The following GRID2 variants were observed in gnomAD, a reference collection of about 807,000 sequenced individuals.
The protein encoded by GRID2 is glutamate receptor ionotropic, delta-2.
GRID2 carries 33 observed loss-of-function variants against 114.8 expected under a neutral mutation model. The observed-to-expected ratio is 0.29, with a 90% CI of 0.22 to 0.38. The LOEUF (loss-of-function observed/expected upper bound fraction) is 0.38, where lower values mean the gene tolerates loss of function less well. Ranked by LOEUF, GRID2 falls within the 10% of genes least tolerant of loss-of-function variation. The probability of loss-of-function intolerance (pLI) is 1.00; values close to 1 mark genes in which losing one functional copy is unlikely to be tolerated. For synonymous variants in GRID2, 505 were observed against 449.9 expected, an observed-to-expected ratio of 1.12 and a Z score of -1.55; for missense variants, 1,184 against 1,257.7, an observed-to-expected ratio of 0.94 and a Z score of 0.89.
intron 2 of GRID2, among the ~76,000 whole-genome samples, chr4:92,908,623 A>G (rs967500644): frequency 6.6e-6 from 1 of 151,930 alleles, no homozygotes; most frequent in Non-Finnish European, 1.5e-5. Flanking sequence ...AAGTACTAAC[A>G]GGTAGCACAC....
At chr4:92,875,152 T>TG (rs2149450200) in intron 2 of GRID2, among the ~76,000 whole-genome samples, 1 of 138,982 alleles carries the variant, frequency 7.2e-6, no homozygotes, top group African/African-American at 2.7e-5. Context: ...TCAAAAGGTT[T>TG]TTTTTTTTTT....
At chr4:92,348,043 A>T (rs1345978056) in intron 1 of GRID2, among the ~76,000 whole-genome samples, 2 of 152,144 alleles carry the variant, frequency 1.3e-5, no homozygotes, top group Non-Finnish European at 2.9e-5. Context: ...GCAACCTCTA[A>T]TTCTTGGGCT....
intron 2 of GRID2, among the ~76,000 whole-genome samples, chr4:92,672,967 C>G (rs1733150434): frequency 6.6e-6 from 1 of 152,142 alleles, no homozygotes; most frequent in Non-Finnish European, 1.5e-5. Flanking sequence ...CTTTATCCCC[C>G]AATTCCCCTT....
intron 12 of GRID2, among the ~76,000 whole-genome samples, chr4:93,512,806 C>T (rs1434410900): frequency 1.3e-5 from 2 of 152,144 alleles, no homozygotes; most frequent in African/African-American, 4.8e-5. Flanking sequence ...TATTAAAACT[C>T]TATATTTTCA....
At position 92,999,387 on chromosome 4, in the gene GRID2, A is replaced by T. The variant is rs1399952055; in HGVS notation, c.245-85608A>T. 3.3e-5 allele frequency among the ~76,000 whole-genome samples: 5 copies of T among 151,822 alleles called. No individual in the cohort carries two copies. In the East Asian group the frequency reaches 9.7e-4, roughly 29 times the overall value. On this transcript the variant is annotated intron_variant, in intron 2 of 15. Transcript: ENST00000282020. ...CTGCTTTTAACAGATTTTTAACAGG[A>T]TACTCACCTTCTGGGAAACCTGTTA... is the stretch of plus-strand genomic sequence containing the variant.
intron 2 of GRID2, among the ~76,000 whole-genome samples, chr4:92,956,710 G>A (rs1752435876): frequency 6.6e-6 from 1 of 152,140 alleles, no homozygotes; most frequent in South Asian, 2.1e-4. Context: ...GTACGAGTAT[G>A]TTTCATTTTC....
chr4:93,741,159 C>CTATATATATATA (rs879839195), intron 14 of GRID2, among the ~76,000 whole-genome samples: 7 of 47,172 alleles, frequency 1.5e-4, no homozygotes, highest in African/African-American at 3.9e-4. Flanking sequence ...ACCTGAGAAA[C>CTATATATATATA]TATATATATA....
chr4:92,408,431 C>CTTTTTTTTTTTTTTTTTTTTTTTTTTTTT (rs35638036), intron 1 of GRID2, among the ~76,000 whole-genome samples: 2 of 19,394 alleles, frequency 1.0e-4, no homozygotes, highest in African/African-American at 1.6e-4. Context: ...TATTCAAGCT[C>CTTTTTTTTTTTTTTTTTTTTTTTTTTTTT]TTTTTTTTTT....
chr4:92,593,929 GAA>G (rs536259659), intron 2 of GRID2, among the ~76,000 whole-genome samples: 2 of 137,042 alleles, frequency 1.5e-5, no homozygotes, highest in African/African-American at 5.4e-5. Flanking sequence ...AATACAAAAA[GAA>G]AAAAAAAACG....
At chr4:93,162,318 A>C (rs954366133) in intron 4 of GRID2, among the ~76,000 whole-genome samples, 2 of 151,988 alleles carry the variant, frequency 1.3e-5, no homozygotes, top group African/African-American at 4.8e-5. Context: ...TGAAGAATTA[A>C]CGCTGAATTA....
At chr4:93,220,043 G>C (rs946218413) in intron 6 of GRID2, among the ~76,000 whole-genome samples, 1 of 151,996 alleles carries the variant, frequency 6.6e-6, no homozygotes, top group South Asian at 2.1e-4. Context: ...CTTAGGAAGA[G>C]GACCAAGGTA....
At chr4:92,530,762 C>T (rs1316346451) in intron 1 of GRID2, among the ~76,000 whole-genome samples, 1 of 145,686 alleles carries the variant, frequency 6.9e-6, no homozygotes, top group African/African-American at 2.5e-5. Context: ...AAAAAATTAG[C>T]TGGGCGTGGT....
intron 1 of GRID2, among the ~76,000 whole-genome samples, chr4:92,526,873 G>A (rs1332497330): frequency 6.6e-6 from 1 of 151,968 alleles, no homozygotes; most frequent in Non-Finnish European, 1.5e-5. Flanking sequence ...GGTTATCCCT[G>A]CATAAGTTCA....
At chr4:92,764,908 A>T (rs1342986231) in intron 2 of GRID2, among the ~76,000 whole-genome samples, 1 of 152,232 alleles carries the variant, frequency 6.6e-6, no homozygotes, top group Admixed American at 6.5e-5. Flanking sequence ...ATTTCCTGGA[A>T]ACATTAAAAT....
chr4:92,918,616 T>G (rs1397790183), intron 2 of GRID2, among the ~76,000 whole-genome samples: 1 of 152,132 alleles, frequency 6.6e-6, no homozygotes, highest in Non-Finnish European at 1.5e-5. Context: ...AATCATGTGG[T>G]TTTTGTCGTT....
intron 14 of GRID2, among the ~76,000 whole-genome samples, chr4:93,644,436 T>G (rs1560854006): frequency 6.6e-6 from 1 of 152,158 alleles, no homozygotes; most frequent in Non-Finnish European, 1.5e-5. Flanking sequence ...AATCGTGAGA[T>G]TTCTACTCTG....
At chr4:93,592,956 C>T (rs1738559431) in intron 13 of GRID2, among the ~76,000 whole-genome samples, 1 of 150,954 alleles carries the variant, frequency 6.6e-6, no homozygotes, top group African/African-American at 2.4e-5. Context: ...TGTGTCTCTG[C>T]ACGTGAGATG....
At chr4:92,455,964 A>T (rs1300829281) in intron 1 of GRID2, among the ~76,000 whole-genome samples, 1 of 152,188 alleles carries the variant, frequency 6.6e-6, no homozygotes, top group South Asian at 2.1e-4. Flanking sequence ...CAAAGATTGT[A>T]TCTTTTATGT....
At chr4:93,115,678 G>A (rs1455368614) in intron 4 of GRID2, among the ~76,000 whole-genome samples, 1 of 152,118 alleles carries the variant, frequency 6.6e-6, no homozygotes, top group Non-Finnish European at 1.5e-5. Context: ...GACTGGGGAG[G>A]CCTCAGAATC....
Sources: allele counts gnomAD v4.1 joint callset (sites outside exome capture counted in the v4.1 genomes callset), GRCh38; gene constraint gnomAD v4.1.1; transcripts MANE v1.5; gene names NCBI Gene and HGNC (gene_info 2026-07-23, HGNC 2026-07-21).